STK38: variants seen among roughly 807,000 people sequenced by gnomAD.
The protein encoded by STK38 is serine/threonine kinase 38, also known as serine/threonine-protein kinase 38.
Under a neutral mutation model 59.0 loss-of-function variants are expected in STK38, and 26 were observed. The observed-to-expected ratio is 0.44, with a 90% confidence interval of 0.32 to 0.61. The LOEUF (loss-of-function observed/expected upper bound fraction) is 0.61. Ranked by LOEUF, STK38 falls within the 20% of genes least tolerant of loss-of-function variation. The pLI is 0.04. For missense variants in STK38, 433 were observed against 566.0 expected (o/e 0.76, Z 2.38); for synonymous variants, 175 against 176.6 (o/e 0.99, Z 0.07).
At chr6:36,501,918 T>G (rs1273557920) in intron 9 of STK38, among the ~76,000 whole-genome samples, 1 of 152,214 alleles carries the variant, frequency 6.6e-6, no homozygotes, top group Non-Finnish European at 1.5e-5. Flanking sequence ...AATACCTTCT[T>G]GGGCACTGTG....
intron 2 of STK38, among the ~76,000 whole-genome samples, chr6:36,538,504 T>TA (rs1777851441): frequency 6.6e-6 from 1 of 152,214 alleles, no homozygotes; most frequent in South Asian, 2.1e-4. Context: ...ATATAAATTT[T>TA]ACACCCTTCC....
chr6:36,498,790 T>C (rs1776768882), intron 10 of STK38, among the ~76,000 whole-genome samples: 1 of 151,988 alleles, frequency 6.6e-6, no homozygotes, highest in Non-Finnish European at 1.5e-5. Context: ...AGAGTCTTGC[T>C]ATGTTGATCA....
chr6:36,507,514 A>C lies in STK38; in HGVS notation c.758T>G (p.Leu253Arg). The change falls in exon 8 of 14, where the codon CTC becomes CGC. Residue 253 changes from leucine to arginine, a missense_variant. Leu to Arg is a moderately radical substitution (Grantham distance 102). Coordinates refer to ENST00000229812, the MANE Select transcript of STK38 (RefSeq NM_007271.4). The stretch of plus-strand genomic sequence containing the variant: ...TTACCACTTACTGAAATCACTGGGG[A>C]GGCTGTGGTTCAGATTCCTATAAAA... Reference protein sequence around the residue: ...TEFYRNLNHSLPSDFTFQNMN... With the variant: ...TEFYRNLNHSRPSDFTFQNMN... The C allele has an allele frequency of 6.2e-7, 1 of 1,614,064 alleles. No homozygotes were observed. The highest frequency in any genetic ancestry group is 8.5e-7 in the Non-Finnish European group (1 of 1,179,940).
In STK38 at chr6:36,499,939, G is replaced by A; in HGVS notation, c.886C>T (p.Gln296Ter). The A allele has an allele frequency of 6.2e-7, 1 of 1,614,072 alleles. No homozygotes were observed. Residue 296 changes from glutamine to a stop codon, truncating the protein, a stop_gained, in exon 10 of 14, where the codon CAG becomes TAG. Transcript: ENST00000229812. LOFTEE classifies it high-confidence loss of function. ...PDYIAPEVFM[Q>*]TGYNKLCDWW... ...TCACAGAGCTTGTTGTACCCGGTCT[G>A]CATGAACACCTCAGGAGCAATGTAG... is the stretch of plus-strand genomic sequence containing the variant.
chr6:36,518,564 T>TTG (rs1777310040), intron 5 of STK38, among the ~76,000 whole-genome samples: 2 of 152,082 alleles, frequency 1.3e-5, no homozygotes, highest in African/African-American at 4.8e-5. Flanking sequence ...CCACACACAC[T>TTG]TTTTTTAAAA....
At chr6:36,498,789 C>T (rs1264445599) in intron 10 of STK38, among the ~76,000 whole-genome samples, 2 of 151,882 alleles carry the variant, frequency 1.3e-5, no homozygotes, top group African/African-American at 4.8e-5. Flanking sequence ...CAGAGTCTTG[C>T]TATGTTGATC....
intron 7 of STK38, among the ~76,000 whole-genome samples, chr6:36,509,222 G>A: frequency 6.6e-6 from 1 of 152,168 alleles, no homozygotes; most frequent in East Asian, 1.9e-4. Context: ...GAGCTTTACT[G>A]AGCGACAGTA....
At chr6:36,529,356 A>G (rs1029658595) in intron 2 of STK38, among the ~76,000 whole-genome samples, 6 of 152,254 alleles carry the variant, frequency 3.9e-5, no homozygotes, top group African/African-American at 1.4e-4. Context: ...GAATATATTG[A>G]AACGGGGTCA....
intron 2 of STK38, among the ~76,000 whole-genome samples, chr6:36,536,207 A>G (rs2127489078): frequency 6.6e-6 from 1 of 152,328 alleles, no homozygotes; most frequent in Admixed American, 6.5e-5. Context: ...TTTTCCACAA[A>G]TGTTGCTAAA....
In STK38 at chr6:36,501,299, G is replaced by A. The variant is rs189509157; in HGVS notation, c.835-1309C>T. On this transcript the variant is annotated intron_variant, in intron 9 of 13. Coordinates refer to ENST00000229812, the MANE Select transcript of STK38 (RefSeq NM_007271.4). ...CCAGTATTCTACTCTAACATACCAGGACTGCAAAATAAGAGGAGAAAGTAC... is the reference window on the plus strand; with the variant it reads ...CCAGTATTCTACTCTAACATACCAGAACTGCAAAATAAGAGGAGAAAGTAC... 2.8e-3 allele frequency among the ~76,000 whole-genome samples: 431 copies of A among 152,108 alleles called. 1 individual carries two copies. The highest frequency in any genetic ancestry group is 7.5e-3 in the South Asian group (36 of 4,816).
In STK38 at chr6:36,494,443, AT is replaced by A. The variant is rs1776651063; in HGVS notation, c.*1340del. 6.5e-6 allele frequency: 1 copy of A among 152,686 alleles called. No individual in the cohort carries two copies. The highest frequency in any genetic ancestry group is 1.5e-5 in the Non-Finnish European group (1 of 68,058). The allele number at this position is 152,686 out of a possible 1,614,324, so 9.5% of individuals were successfully genotyped here. On this transcript the variant is annotated 3_prime_UTR_variant, in exon 14 of 14. Coordinates refer to ENST00000229812, the MANE Select transcript of STK38 (RefSeq NM_007271.4). ...AAGAGTTATCAAAACTTTTTAAAAA[AT>A]AATGCATTAATATGGAGCCTCCACA...
At chr6:36,536,700 C>A (rs1157498805) in intron 2 of STK38, among the ~76,000 whole-genome samples, 1 of 151,854 alleles carries the variant, frequency 6.6e-6, no homozygotes. Flanking sequence ...CCATGCCCAG[C>A]TAATTCTGTA....
intron 7 of STK38, among the ~76,000 whole-genome samples, chr6:36,514,151 T>C (rs1488853057): frequency 4.4e-5 from 5 of 114,528 alleles, no homozygotes; most frequent in Non-Finnish European, 8.4e-5. Flanking sequence ...CGAGACTCCG[T>C]CTCAAAAAAA....
chr6:36,539,950 A>G, intron 2 of STK38, 122 bp downstream of exon 2: 1 of 1,470,696 alleles, frequency 6.8e-7, no homozygotes, highest in Non-Finnish European at 9.1e-7. Context: ...CTGTCATTCC[A>G]TTATGATAGT....
chr6:36,536,857 T>TC (rs1396296915), intron 2 of STK38, among the ~76,000 whole-genome samples: 1 of 151,640 alleles, frequency 6.6e-6, no homozygotes, highest in Non-Finnish European at 1.5e-5. Flanking sequence ...ATTTTTTTTT[T>TC]TTAAAGAAGA....
intron 7 of STK38, 76 bp downstream of exon 7, chr6:36,515,262 C>T: frequency 6.5e-7 from 1 of 1,531,462 alleles, no homozygotes; most frequent in South Asian, 1.3e-5. Flanking sequence ...GGGATGACCA[C>T]AGGGGTGCAG....
At chr6:36,525,693 T>C in intron 2 of STK38, 51 bp from the exon 3 acceptor site, 1 of 1,465,570 alleles carries the variant, frequency 6.8e-7, no homozygotes, top group Non-Finnish European at 9.5e-7. Context: ...ATGATAACTT[T>C]CTGAAAATTC....
chr6:36,543,214 G>A (rs1317570125), intron 1 of STK38, among the ~76,000 whole-genome samples: 11 of 151,518 alleles, frequency 7.3e-5, no homozygotes, highest in African/African-American at 1.9e-4. Flanking sequence ...ACAGGCACCC[G>A]CCACCACGCC....
At chr6:36,532,817 T>C (rs1275595748) in intron 2 of STK38, among the ~76,000 whole-genome samples, 2 of 152,058 alleles carry the variant, frequency 1.3e-5, no homozygotes, top group Non-Finnish European at 2.9e-5. Context: ...GAGAATCACT[T>C]GAACCCGGGA....
Sources: gnomAD v4.1 joint callset for allele counts (sites outside exome capture counted in the v4.1 genomes callset) on GRCh38, gnomAD v4.1.1 for gene constraint, MANE v1.5 for transcripts, NCBI Gene and HGNC (gene_info 2026-07-23, HGNC 2026-07-21) for gene names.